HDAC9: variants seen among roughly 807,000 people sequenced by gnomAD.
HDAC9 encodes MEF-2 interacting transcription repressor (MITR) protein.
HDAC9 carries 41 observed loss-of-function variants against 139.4 expected under a neutral mutation model. That is an observed-to-expected ratio of 0.29 (90% CI 0.23 to 0.38). HDAC9 has a LOEUF of 0.38. Ranked by LOEUF, HDAC9 falls within the 10% of genes least tolerant of loss-of-function variation. The pLI, the probability that HDAC9 is intolerant of heterozygous loss-of-function variation, is 1.00. For missense variants in HDAC9, 1,147 were observed against 1,297.0 expected, an observed-to-expected ratio of 0.88 and a Z score of 1.78; for synonymous variants, 517 against 476.2, an observed-to-expected ratio of 1.09 and a Z score of -1.12.
chr7:18,581,803 T>TA (rs1232600782), intron 2 of HDAC9, among the ~76,000 whole-genome samples: 1 of 152,200 alleles, frequency 6.6e-6, no homozygotes, highest in African/African-American at 2.4e-5. Context: ...GTGCTACAAT[T>TA]AAGAGATCTT....
chr7:18,479,984 C>CTTTTTTTTTTTT (rs753734278), intron 1 of HDAC9, among the ~76,000 whole-genome samples: 1 of 116,172 alleles, frequency 8.6e-6, no homozygotes, highest in Non-Finnish European at 1.8e-5. Context: ...TCCACTCTGT[C>CTTTTTTTTTTTT]TTTTTTTTTT....
intron 1 of HDAC9, among the ~76,000 whole-genome samples, chr7:18,343,549 G>A (rs1319805776): frequency 6.6e-6 from 1 of 151,734 alleles, no homozygotes; most frequent in African/African-American, 2.4e-5. Context: ...AGGGAAGAAG[G>A]AGCGATTTTT....
At chr7:18,563,399 C>T (rs1821209866) in intron 2 of HDAC9, among the ~76,000 whole-genome samples, 1 of 151,974 alleles carries the variant, frequency 6.6e-6, no homozygotes, top group Admixed American at 6.6e-5. Context: ...AATATATAAG[C>T]TCCAGTTATT....
chr7:18,512,257 T>C (rs1801753978), intron 2 of HDAC9, among the ~76,000 whole-genome samples: 1 of 152,172 alleles, frequency 6.6e-6, no homozygotes, highest in African/African-American at 2.4e-5. Context: ...GACATGAGCA[T>C]TCAATAAGAT....
chr7:18,612,788 G>T (rs181343841), intron 6 of HDAC9, among the ~76,000 whole-genome samples: 288 of 152,156 alleles, frequency 1.9e-3, no homozygotes, highest in Non-Finnish European at 3.5e-3. Flanking sequence ...TGGAGAAGCT[G>T]CCACATGAAG....
rs933067601 is a variant in HDAC9 at position 18,368,392 on chromosome 7, T to G, written c.-42+77877T>G. Among the ~76,000 whole-genome samples the G allele has an allele frequency of 2.0e-5, 3 of 152,068 alleles. No individual in the cohort carries two copies. The East Asian group carries it at 5.8e-4, about 29-fold the overall frequency. On this transcript the variant is annotated intron_variant, in intron 1 of 3. Transcript: ENST00000413509. ...TAGCCAAGTATCCCTGACTAACCGG[T>G]GATCGGCAGTGCCACTATTGCCATA...
chr7:18,666,176 A>G, intron 11 of HDAC9, 37 bp from the exon 12 acceptor site: 3 of 1,550,620 alleles, frequency 1.9e-6, no homozygotes, highest in Non-Finnish European at 2.6e-6. Context: ...ACCATGAAGA[A>G]CTACTGAATT....
At chr7:18,101,762 AG>A (rs1232901319) in intron 1 of HDAC9, among the ~76,000 whole-genome samples, 1 of 152,226 alleles carries the variant, frequency 6.6e-6, no homozygotes, top group African/African-American at 2.4e-5. Flanking sequence ...TCTTAAGGCA[AG>A]CTGGTCATAA....
At chr7:18,813,064 T>G (rs976535403) in intron 17 of HDAC9, among the ~76,000 whole-genome samples, 111 of 152,248 alleles carry the variant, frequency 7.3e-4, no homozygotes, top group African/African-American at 2.6e-3. Flanking sequence ...TCCTGTAGAT[T>G]GTTTGACATG....
chr7:18,446,963 A>G (rs1213180657), intron 1 of HDAC9, among the ~76,000 whole-genome samples: 2 of 152,226 alleles, frequency 1.3e-5, no homozygotes, highest in African/African-American at 4.8e-5. Flanking sequence ...ATCTAAGTAT[A>G]TGCTAATCAA....
At chr7:18,255,309 G>A (rs890261939) in intron 2 of HDAC9, among the ~76,000 whole-genome samples, 4 of 152,142 alleles carry the variant, frequency 2.6e-5, no homozygotes, top group Admixed American at 2.0e-4. Context: ...TATAAATATG[G>A]CAGAGTGAGA....
At chr7:18,950,057 G>A (rs1429225903) in intron 23 of HDAC9, among the ~76,000 whole-genome samples, 1 of 151,980 alleles carries the variant, frequency 6.6e-6, no homozygotes, top group Admixed American at 6.6e-5. Context: ...AATACATTAT[G>A]TTATGGATTA....
intron 13 of HDAC9, among the ~76,000 whole-genome samples, chr7:18,730,170 T>G (rs1263101654): frequency 6.6e-6 from 1 of 152,198 alleles, no homozygotes; most frequent in Non-Finnish European, 1.5e-5. Context: ...ATATATATAC[T>G]TGATATGTAA....
At chr7:18,826,504 G>A (rs909903167) in intron 17 of HDAC9, among the ~76,000 whole-genome samples, 3 of 152,180 alleles carry the variant, frequency 2.0e-5, no homozygotes, top group Non-Finnish European at 4.4e-5. Context: ...GCGAGAAGAA[G>A]ATCATTTTCA....
intron 1 of HDAC9, among the ~76,000 whole-genome samples, chr7:18,456,889 G>C (rs1793399697): frequency 6.6e-6 from 1 of 152,084 alleles, no homozygotes; most frequent in Admixed American, 6.6e-5. Flanking sequence ...ATAGCTGCAG[G>C]GTATTTATTG....
chr7:18,738,959 C>G (rs1787185551), intron 13 of HDAC9, among the ~76,000 whole-genome samples: 1 of 152,128 alleles, frequency 6.6e-6, no homozygotes, highest in Admixed American at 6.6e-5. Flanking sequence ...TTGTTCATTT[C>G]TTTTTACTCT....
intron 23 of HDAC9, among the ~76,000 whole-genome samples, chr7:18,943,375 A>G (rs1782152932): frequency 6.6e-6 from 1 of 152,062 alleles, no homozygotes; most frequent in African/African-American, 2.4e-5. Flanking sequence ...ATCATCCAAC[A>G]AATTGTATTT....
intron 1 of HDAC9, among the ~76,000 whole-genome samples, chr7:18,364,930 T>C (rs1235914543): frequency 2.0e-5 from 3 of 152,124 alleles, no homozygotes; most frequent in African/African-American, 4.8e-5. Flanking sequence ...TTTATTTTTA[T>C]GAACAAGAAA....
Position 18,158,175 on chromosome 7 carries a change from C to T in HDAC9, c.-96-4054C>T, listed in dbSNP as rs76638147. Among the ~76,000 whole-genome samples, 878 of 152,114 alleles carry T rather than the reference C, an allele frequency of 5.8e-3. 2 individuals are homozygous for T. The highest frequency in any genetic ancestry group is 0.02 in the African/African-American group (835 of 41,464). On this transcript the variant is annotated intron_variant, in intron 1 of 12. Coordinates refer to the HDAC9 transcript ENST00000417496. ...ACACTATCCAAAATAATACTAATTA[C>T]CCAAAAGTGGGGAAAAAAGACAACT...
Sources: allele counts gnomAD v4.1 joint callset (sites outside exome capture counted in the v4.1 genomes callset), GRCh38; gene constraint gnomAD v4.1.1; transcripts MANE v1.5; gene names NCBI Gene and HGNC (gene_info 2026-07-23, HGNC 2026-07-21).